The following RBFOX1 variants were observed in gnomAD, a reference collection of about 807,000 sequenced individuals.
RBFOX1 encodes the protein RNA binding fox-1 homolog 1.
RBFOX1 carries 8 observed loss-of-function variants against 57.7 expected under a neutral mutation model. The ratio of observed to expected loss-of-function variants is 0.14; its 90% confidence interval spans 0.08 to 0.25. RBFOX1 has a LOEUF of 0.25. Among genes scored for constraint, RBFOX1 ranks in the 10% least tolerant of loss-of-function variants. The pLI is 1.00. For synonymous variants in RBFOX1, 326 were observed against 222.4 expected (o/e 1.47, Z -4.15); for missense variants, 611 against 548.5 (o/e 1.11, Z -1.14).
At chr16:5,325,030 C>G (rs1343874724) in intron 1 of RBFOX1, among the ~76,000 whole-genome samples, 2 of 152,136 alleles carry the variant, frequency 1.3e-5, no homozygotes, top group East Asian at 3.8e-4. Context: ...AAACAGAAGT[C>G]TACCTATGTG....
chr16:6,761,779 A>G (rs1039205463), intron 3 of RBFOX1, among the ~76,000 whole-genome samples: 2 of 152,010 alleles, frequency 1.3e-5, no homozygotes, highest in African/African-American at 4.8e-5. Flanking sequence ...TGCTGGGATT[A>G]CAGGCATGAG....
At chr16:5,528,111 C>T (rs1336601387) in intron 2 of RBFOX1, among the ~76,000 whole-genome samples, 1 of 152,118 alleles carries the variant, frequency 6.6e-6, no homozygotes, top group Admixed American at 6.5e-5. Flanking sequence ...TTAAATAATT[C>T]ATGATTTCAG....
chr16:6,055,266 G>C (rs527495571), intron 1 of RBFOX1, among the ~76,000 whole-genome samples: 1 of 152,206 alleles, frequency 6.6e-6, no homozygotes, highest in South Asian at 2.1e-4. Context: ...TGTGTCAAGT[G>C]AGTATGACAT....
chr16:7,480,146 C>A (rs113210189), intron 4 of RBFOX1, among the ~76,000 whole-genome samples: 1 of 152,142 alleles, frequency 6.6e-6, no homozygotes, highest in Non-Finnish European at 1.5e-5. Flanking sequence ...GCCTGTGTGT[C>A]TTGGGACAGC....
chr16:6,828,775 A>G (rs754355493), intron 3 of RBFOX1, among the ~76,000 whole-genome samples: 4 of 152,144 alleles, frequency 2.6e-5, no homozygotes, highest in Non-Finnish European at 5.9e-5. Flanking sequence ...AGCACCATGA[A>G]TTCCGAGAAT....
At chr16:5,870,393 T>A (rs74004661) in intron 4 of RBFOX1, among the ~76,000 whole-genome samples, 3,354 of 110,862 alleles carry the variant, frequency 0.03, 93 homozygotes, top group African/African-American at 0.088. Flanking sequence ...AAAAAAAAAA[T>A]GAAGGCACTT....
chr16:6,270,816 T>G (rs1356657188), intron 1 of RBFOX1, among the ~76,000 whole-genome samples: 1 of 152,082 alleles, frequency 6.6e-6, no homozygotes, highest in Admixed American at 6.6e-5. Context: ...TAAAACAAAG[T>G]TTAACAAATT....
At chr16:6,809,264 T>A (rs1426737002) in intron 3 of RBFOX1, among the ~76,000 whole-genome samples, 1 of 152,224 alleles carries the variant, frequency 6.6e-6, no homozygotes, top group Non-Finnish European at 1.5e-5. Context: ...TCTGAATCGT[T>A]CATTGCTCAA....
chr16:6,207,271 C>A (rs1048377023), intron 1 of RBFOX1, among the ~76,000 whole-genome samples: 1 of 152,166 alleles, frequency 6.6e-6, no homozygotes, highest in Non-Finnish European at 1.5e-5. Context: ...ATAAGGCACA[C>A]TTTATCTTTT....
intron 3 of RBFOX1, among the ~76,000 whole-genome samples, chr16:6,802,173 G>C (rs1424379608): frequency 6.6e-6 from 1 of 150,818 alleles, no homozygotes; most frequent in African/African-American, 2.5e-5. Context: ...TTCTGGGTGG[G>C]CTTTGGTTGC....
At chr16:6,868,382 C>G (rs569039324) in intron 3 of RBFOX1, among the ~76,000 whole-genome samples, 1 of 152,054 alleles carries the variant, frequency 6.6e-6, no homozygotes, top group African/African-American at 2.4e-5. Flanking sequence ...AGAGAAATTT[C>G]TGTAAGTTTT....
At chr16:7,237,785 C>A (rs963944622) in intron 4 of RBFOX1, among the ~76,000 whole-genome samples, 2 of 152,176 alleles carry the variant, frequency 1.3e-5, no homozygotes, top group African/African-American at 4.8e-5. Flanking sequence ...GCGGACAGAT[C>A]ACTTGAGGTC....
intron 1 of RBFOX1, among the ~76,000 whole-genome samples, chr16:5,425,262 C>T (rs866678249): frequency 2.6e-5 from 4 of 151,904 alleles, no homozygotes; most frequent in Non-Finnish European, 2.9e-5. Flanking sequence ...TGCACCACCA[C>T]GTCCAGCTAA....
At chr16:7,257,988 C>G (rs891665016) in intron 4 of RBFOX1, among the ~76,000 whole-genome samples, 1 of 152,124 alleles carries the variant, frequency 6.6e-6, no homozygotes, top group African/African-American at 2.4e-5. Context: ...AATTCTGTAT[C>G]GACACAACTC....
chr16:6,117,667 G>C (rs1339335603), intron 1 of RBFOX1, among the ~76,000 whole-genome samples: 1 of 152,222 alleles, frequency 6.6e-6, no homozygotes, highest in Non-Finnish European at 1.5e-5. Flanking sequence ...CTGGCACCTA[G>C]GTCTTGAACT....
At chr16:6,299,599 T>G (rs561292631) in intron 1 of RBFOX1, among the ~76,000 whole-genome samples, 1 of 152,272 alleles carries the variant, frequency 6.6e-6, no homozygotes, top group South Asian at 2.1e-4. Context: ...CAGGTCACTC[T>G]CTACCATTTG....
rs1441226357 is a variant in RBFOX1 at position 6,483,494 on chromosome 16, C to G, written c.-64+166437C>G. 1.8e-5 allele frequency: 27 copies of G among 1,535,708 alleles called. No homozygotes were observed. The South Asian group carries it at 3.0e-4, about 17-fold the overall frequency. Reference sequence around the variant, plus strand: ...TGAGGAAACAGGAGGCACTTTGCAGCCGACAATGAAATCTTGGCAGCTAAT... The same window carrying G: ...TGAGGAAACAGGAGGCACTTTGCAGGCGACAATGAAATCTTGGCAGCTAAT... On this transcript the variant is annotated intron_variant, in intron 2 of 15. Coordinates refer to ENST00000550418, the MANE Select transcript of RBFOX1 (RefSeq NM_018723.4).
intron 2 of RBFOX1, among the ~76,000 whole-genome samples, chr16:6,543,308 G>T (rs1057228138): frequency 3.3e-5 from 5 of 152,080 alleles, no homozygotes; most frequent in African/African-American, 1.2e-4. Context: ...CCCTCCTTGA[G>T]ACTCTTTACT....
intron 4 of RBFOX1, among the ~76,000 whole-genome samples, chr16:7,484,367 G>C (rs1443458292): frequency 2.0e-5 from 3 of 152,188 alleles, no homozygotes; most frequent in Admixed American, 2.0e-4. Context: ...AATGCTGGGA[G>C]ACATGGTAAG....
Sources: gnomAD v4.1 joint callset for allele counts (sites outside exome capture counted in the v4.1 genomes callset) on GRCh38, gnomAD v4.1.1 for gene constraint, MANE v1.5 for transcripts, NCBI Gene and HGNC (gene_info 2026-07-23, HGNC 2026-07-21) for gene names.